FMO2: variants seen among roughly 807,000 people sequenced by gnomAD.
FMO2 encodes the protein flavin containing dimethylaniline monoxygenase 2.
Under a neutral mutation model 41.6 loss-of-function variants are expected in FMO2, and 33 were observed. That is an observed-to-expected ratio of 0.79 (90% CI 0.60 to 1.06). The LOEUF (loss-of-function observed/expected upper bound fraction) is 1.06, where lower values mean the gene tolerates loss of function less well. Among genes scored for constraint, FMO2 ranks in the 50% least tolerant of loss-of-function variants. FMO2 has a pLI of 0.00. For missense variants in FMO2, 619 were observed against 632.9 expected, an observed-to-expected ratio of 0.98 and a Z score of 0.23; for synonymous variants, 214 against 219.6, an observed-to-expected ratio of 0.97 and a Z score of 0.23.
chr1:171,186,606 G>C (rs189593295), intron 2 of FMO2, among the ~76,000 whole-genome samples: 1 of 152,264 alleles, frequency 6.6e-6, no homozygotes, highest in African/African-American at 2.4e-5. Flanking sequence ...AACAGCATGA[G>C]GGTAGCTGCC....
chr1:171,205,601 C>A lies in FMO2; in HGVS notation c.1150C>A (p.Leu384Ile). 6.2e-7 allele frequency: 1 copy of A among 1,611,956 alleles called. No individual in the cohort carries two copies. Among genetic ancestry groups the A allele is most frequent in the Non-Finnish European group, 8.5e-7 (1 of 1,179,042 alleles). The change falls in exon 7 of 9, where the codon CTT becomes ATT. Residue 384 changes from leucine (L) to isoleucine (I), a missense_variant. By Grantham distance (5) the Leu-to-Ile change is conservative. Transcript: ENST00000209929. ...AGGTTCCATTTTCCCAACTGCTGAACTTCAAGCTCGTTGGGTGACAAGAGT... is the reference window on the plus strand; with the variant it reads ...AGGTTCCATTTTCCCAACTGCTGAAATTCAAGCTCGTTGGGTGACAAGAGT... ...PLGSIFPTAE[L>I]QARWVTRVFK... is the part of the protein sequence containing the mutation.
At chr1:171,199,850 G>C (rs1278725338) in intron 5 of FMO2, among the ~76,000 whole-genome samples, 2 of 152,088 alleles carry the variant, frequency 1.3e-5, no homozygotes, top group East Asian at 3.9e-4. Flanking sequence ...GAGTAGCTGG[G>C]ACTACAGGCA....
intron 5 of FMO2, among the ~76,000 whole-genome samples, chr1:171,203,064 C>T (rs557851482): frequency 6.6e-6 from 1 of 152,138 alleles, no homozygotes; most frequent in East Asian, 1.9e-4. Context: ...AAATACATTA[C>T]AAGCACTGTG....
chr1:171,193,762 T>C (rs1658184714), intron 3 of FMO2, among the ~76,000 whole-genome samples: 1 of 149,022 alleles, frequency 6.7e-6, no homozygotes, highest in Admixed American at 6.9e-5. Flanking sequence ...AATAATAATA[T>C]ATTGATGTCA....
At chr1:171,207,112 T>C (rs1658791253) in intron 7 of FMO2, among the ~76,000 whole-genome samples, 1 of 152,130 alleles carries the variant, frequency 6.6e-6, no homozygotes, top group Admixed American at 6.5e-5. Flanking sequence ...GTCTGATGAC[T>C]CTAGGCAAGG....
chr1:171,205,539 A>G lies in FMO2; in HGVS notation c.1088A>G (p.Lys363Arg). The G allele has an allele frequency of 6.2e-7, 1 of 1,613,914 alleles. No homozygotes were observed. Among genetic ancestry groups the G allele is most frequent in the Non-Finnish European group, 8.5e-7 (1 of 1,179,870 alleles). The change falls in exon 7 of 9, where the codon AAG (lysine) becomes AGG (arginine). Residue 363 changes from lysine to arginine, a missense_variant. Lys to Arg is a conservative substitution (Grantham distance 26, BLOSUM62 2). Coordinates refer to ENST00000209929, the MANE Select transcript of FMO2 (RefSeq NM_001460.5). ...TACATATTCCCCGCTCACCTGGACA[A>G]GTCAACCCTCGCGTGCATTGGTCTC... ...YKYIFPAHLD[K>R]STLACIGLIQ...
chr1:171,196,608 T>C (rs1658319285), intron 3 of FMO2, 41 bp from the exon 4 acceptor site: 1 of 1,591,262 alleles, frequency 6.3e-7, no homozygotes. Context: ...AATGTTATCC[T>C]GGAGTAATTC....
intron 3 of FMO2, 43 bp from the exon 4 acceptor site, chr1:171,196,606 C>G: frequency 1.3e-6 from 2 of 1,585,996 alleles, no homozygotes; most frequent in South Asian, 2.3e-5. Context: ...CCAATGTTAT[C>G]CTGGAGTAAT....
At chr1:171,191,347 T>C (rs1356598379) in intron 2 of FMO2, among the ~76,000 whole-genome samples, 1 of 152,156 alleles carries the variant, frequency 6.6e-6, no homozygotes, top group African/African-American at 2.4e-5. Context: ...GCCAACCACA[T>C]TTTTAAGCCA....
chr1:171,185,531 T>A, intron 1 of FMO2, 172 bp downstream of exon 1: 1 of 557,612 alleles, frequency 1.8e-6, no homozygotes, highest in Non-Finnish European at 3.1e-6. Flanking sequence ...CATAAGAAAC[T>A]CAGCTTTTCT....
chr1:171,185,941 A>T, intron 2 of FMO2, 96 bp downstream of exon 2: 2 of 1,237,504 alleles, frequency 1.6e-6, no homozygotes, highest in South Asian at 2.8e-5. Context: ...TTATTAAACA[A>T]CTCTGATCAG....
rs1181327175 is a variant in FMO2 at position 171,193,379 on chromosome 1, T to C, written c.177T>C (p.Val59=). ...DGRASIYQSV[V]TNTSKEMSCF... ...GAGCAAGTATCTATCAATCTGTCGT[T>C]ACCAACACCAGCAAAGAAATGTCCT... The change falls in exon 3 of 9, where the codon GTT becomes GTC. Residue 59 remains valine, a synonymous_variant. Transcript: ENST00000209929. 5 of 1,612,860 alleles carry C rather than the reference T, an allele frequency of 3.1e-6. No individual in the cohort carries two copies. Among genetic ancestry groups the C allele is most frequent in the Middle Eastern group, 3.3e-4 (2 of 6,080 alleles).
intron 5 of FMO2, among the ~76,000 whole-genome samples, chr1:171,203,512 G>C (rs1035593216): frequency 2.6e-5 from 4 of 152,248 alleles, no homozygotes; most frequent in African/African-American, 7.2e-5. Context: ...CACTATAGAA[G>C]AAACTTAGGT....
At chr1:171,201,433 T>C (rs1326203571) in intron 5 of FMO2, among the ~76,000 whole-genome samples, 3 of 152,160 alleles carry the variant, frequency 2.0e-5, no homozygotes, top group South Asian at 4.1e-4. Context: ...CAGAGTAATA[T>C]ACTCTCAAGC....
intron 3 of FMO2, among the ~76,000 whole-genome samples, chr1:171,196,403 T>C (rs887888122): frequency 2.6e-5 from 4 of 152,156 alleles, no homozygotes; most frequent in African/African-American, 9.6e-5. Flanking sequence ...ACCCGCTCTT[T>C]CTGGCCTTTC....
intron 2 of FMO2, among the ~76,000 whole-genome samples, chr1:171,187,627 CAAAAAAAAAAAAAAAAA>C (rs765479366): frequency 1.2e-5 from 1 of 82,600 alleles, no homozygotes; most frequent in African/African-American, 4.2e-5. Context: ...AACCTGCCAC[CAAAAAAAAAAAAAAAAA>C]AAAAAAAAAA....
Position 171,203,963 on chromosome 1 carries a change from G to A in FMO2, c.726G>A (p.Met242Ile), listed in dbSNP as rs765731423. The A allele has an allele frequency of 6.2e-7, 1 of 1,613,724 alleles. No homozygotes were observed. Among genetic ancestry groups the A allele is most frequent in the Non-Finnish European group, 8.5e-7 (1 of 1,179,742 alleles). ...TGTTCCACACCCGGTTTCGTTCTAT[G>A]CTCCGCAATGTACTGCCACGAACAG... ...DSVFHTRFRSMLRNVLPRTAV... is the reference protein window; with the variant it reads ...DSVFHTRFRSILRNVLPRTAV... The change falls in exon 6 of 9, where the codon ATG becomes ATA. Residue 242 changes from methionine (M) to isoleucine (I), a missense_variant. By Grantham distance (10) the Met-to-Ile change is conservative. Coordinates refer to ENST00000209929, the MANE Select transcript of FMO2 (RefSeq NM_001460.5).
intron 3 of FMO2, among the ~76,000 whole-genome samples, chr1:171,193,821 T>C (rs12758140): frequency 0.4 from 59,967 of 151,038 alleles, 12,688 homozygotes; most frequent in East Asian, 0.55. Context: ...ACTCTGTTGC[T>C]CAGGCTGGAG....
chr1:171,210,028 T>C lies in FMO2; in HGVS notation c.*883T>C, dbSNP rs544864869. ...TAAAGATCATAATGTTGTCTTGTAATATATTTATTTACAAAACACTTCATT... is the reference window on the plus strand; with the variant it reads ...TAAAGATCATAATGTTGTCTTGTAACATATTTATTTACAAAACACTTCATT... On this transcript the variant is annotated 3_prime_UTR_variant, in exon 9 of 9. Coordinates refer to ENST00000209929, the MANE Select transcript of FMO2 (RefSeq NM_001460.5). The C allele has an allele frequency of 3.9e-5, 6 of 152,332 alleles. No individual in the cohort carries two copies. The highest frequency in any genetic ancestry group is 3.9e-4 in the Admixed American group (6 of 15,296). 9.4% of individuals were successfully genotyped at this position (152,332 alleles called of 1,614,324 possible).
Sources: allele counts gnomAD v4.1 joint callset (sites outside exome capture counted in the v4.1 genomes callset), GRCh38; gene constraint gnomAD v4.1.1; transcripts MANE v1.5; gene names NCBI Gene and HGNC (gene_info 2026-07-23, HGNC 2026-07-21).